Variants in LAMA2 observed in about 807,000 individuals in gnomAD.
LAMA2 encodes the protein laminin subunit alpha-2.
In LAMA2, 269 loss-of-function variants were observed where a neutral mutation model predicts 364.8. The observed-to-expected ratio is 0.74, with a 90% CI of 0.67 to 0.82. The LOEUF (loss-of-function observed/expected upper bound fraction) is 0.82. Ranked by LOEUF, LAMA2 falls within the 40% of genes least tolerant of loss-of-function variation. The probability of loss-of-function intolerance (pLI) is 0.00; values close to 1 mark genes in which losing one functional copy is unlikely to be tolerated. For missense variants in LAMA2, 3,807 were observed against 3,873.2 expected (o/e 0.98, Z 0.45); for synonymous variants, 1,379 against 1,370.6 (o/e 1.01, Z -0.14).
intron 8 of LAMA2, chr6:129,158,551 G>T: frequency 6.2e-7 from 1 of 1,613,972 alleles, no homozygotes; most frequent in Non-Finnish European, 8.5e-7. Context: ...TCCAAATCAC[G>T]ATTGTAACGA....
intron 1 of LAMA2, among the ~76,000 whole-genome samples, chr6:128,977,302 C>A (rs1396150895): frequency 2.0e-5 from 3 of 148,268 alleles, no homozygotes; most frequent in Admixed American, 6.7e-5. Context: ...ACGTGTTGCC[C>A]AGGCTGGAGT....
rs779235193 is a variant in LAMA2 at position 129,440,796 on chromosome 6, A to C, written c.6086-20A>C. The C allele has an allele frequency of 6.2e-6, 10 of 1,612,272 alleles. No individual in the cohort carries two copies. The African/African-American group carries it at 1.3e-4, about 22-fold the overall frequency. ...CTCCACACCCTTTGTTTTGTTTTTC[A>C]TACCCTCATCTGCTGACAGATACAG... On this transcript the variant is annotated intron_variant, in intron 42 of 64. Transcript: ENST00000421865.
At chr6:129,168,706 G>A (rs1476711763) in intron 9 of LAMA2, among the ~76,000 whole-genome samples, 1 of 142,264 alleles carries the variant, frequency 7.0e-6, no homozygotes. Flanking sequence ...GTGAAGAAAG[G>A]CATTGGTAGC....
chr6:128,887,917 T>G (rs1172382305), intron 1 of LAMA2, among the ~76,000 whole-genome samples: 1 of 152,048 alleles, frequency 6.6e-6, no homozygotes, highest in Non-Finnish European at 1.5e-5. Flanking sequence ...GATTTGCAAC[T>G]TATCATCTAT....
At chr6:128,925,408 C>T (rs1415007729) in intron 1 of LAMA2, among the ~76,000 whole-genome samples, 3 of 152,112 alleles carry the variant, frequency 2.0e-5, no homozygotes, top group Non-Finnish European at 4.4e-5. Context: ...ATATACCAGT[C>T]ACAAAAAGAC....
chr6:129,275,325 A>G (rs1309605157), intron 17 of LAMA2, among the ~76,000 whole-genome samples: 1 of 152,048 alleles, frequency 6.6e-6, no homozygotes, highest in East Asian at 1.9e-4. Flanking sequence ...TGCCAAAGGA[A>G]AAAACTAAAG....
At chr6:128,903,642 TC>T (rs1196287376) in intron 1 of LAMA2, among the ~76,000 whole-genome samples, 19 of 152,252 alleles carry the variant, frequency 1.2e-4, no homozygotes, top group Admixed American at 7.2e-4. Context: ...TGTAGCTTTC[TC>T]TTGCAAGCTT....
Position 129,437,190 on chromosome 6 carries a change from TG to T in LAMA2, c.5969-1455del, listed in dbSNP as rs1261080953. ...TAGCATTGTTTATGGAATGGGACTA[TG>T]TGGATTTGAATACCACCACTGCCAT... On this transcript the variant is annotated intron_variant, in intron 41 of 64. Coordinates refer to ENST00000421865, the MANE Select transcript of LAMA2 (RefSeq NM_000426.4). Among the ~76,000 whole-genome samples the T allele has an allele frequency of 8.5e-5, 13 of 152,260 alleles. No individual in the cohort carries two copies. The East Asian group carries it at 2.5e-3, about 29-fold the overall frequency.
chr6:128,954,045 A>C (rs1781001862), intron 1 of LAMA2, among the ~76,000 whole-genome samples: 1 of 152,138 alleles, frequency 6.6e-6, no homozygotes, highest in African/African-American at 2.4e-5. Context: ...TCTACAGAGA[A>C]GTTAGGTCAA....
At chr6:128,976,062 G>A (rs6914657) in intron 1 of LAMA2, among the ~76,000 whole-genome samples, 17,802 of 152,204 alleles carry the variant, frequency 0.12, 2,376 homozygotes, top group African/African-American at 0.33. Context: ...TTAAAAGGAT[G>A]TGAAGTAATT....
At chr6:129,007,589 T>C (rs1784516568) in intron 1 of LAMA2, among the ~76,000 whole-genome samples, 1 of 152,226 alleles carries the variant, frequency 6.6e-6, no homozygotes, top group Non-Finnish European at 1.5e-5. Flanking sequence ...TCAAATAAGA[T>C]TAAACCAAAC....
intron 28 of LAMA2, among the ~76,000 whole-genome samples, chr6:129,325,543 T>TA (rs1775223564): frequency 6.6e-6 from 1 of 151,920 alleles, no homozygotes; most frequent in African/African-American, 2.4e-5. Flanking sequence ...GTTTTTTTTT[T>TA]TAAAAAAAAC....
chr6:129,029,179 G>C (rs182603393), intron 1 of LAMA2, among the ~76,000 whole-genome samples: 1 of 151,874 alleles, frequency 6.6e-6, no homozygotes, highest in East Asian at 1.9e-4. Flanking sequence ...ATCTCATGAC[G>C]CTAAAACAAG....
intron 18 of LAMA2, among the ~76,000 whole-genome samples, chr6:129,287,630 T>C (rs542329243): frequency 1.4e-3 from 209 of 152,304 alleles, no homozygotes; most frequent in Middle Eastern, 6.8e-3. Flanking sequence ...TATATTTTTT[T>C]CGGGCTGAAA....
intron 10 of LAMA2, among the ~76,000 whole-genome samples, chr6:129,184,208 G>A (rs1190063449): frequency 1.3e-5 from 2 of 151,652 alleles, no homozygotes; most frequent in Non-Finnish European, 2.9e-5. Context: ...TTTTTCATTT[G>A]TGTACAGGAA....
intron 4 of LAMA2, among the ~76,000 whole-genome samples, chr6:129,102,683 CCTGATTAT>C (rs1429126640): frequency 1.3e-5 from 2 of 151,840 alleles, no homozygotes; most frequent in East Asian, 3.9e-4. Context: ...TTCTTGTGTG[CCTGATTAT>C]CTTTGTATAA....
At chr6:129,365,529 A>G (rs1287406553) in intron 32 of LAMA2, among the ~76,000 whole-genome samples, 1 of 151,684 alleles carries the variant, frequency 6.6e-6, no homozygotes, top group Non-Finnish European at 1.5e-5. Flanking sequence ...CGCCTGGCTA[A>G]TTTTTGTATT....
At chr6:129,490,697 C>G (rs865779728) in intron 56 of LAMA2, 1 of 152,076 alleles carries the variant, frequency 6.6e-6, no homozygotes, top group Non-Finnish European at 1.5e-5. Context: ...CTGAAATTCT[C>G]GTCTCAGGAA....
At chr6:129,086,798 A>C (rs1423494213) in intron 3 of LAMA2, among the ~76,000 whole-genome samples, 1 of 152,242 alleles carries the variant, frequency 6.6e-6, no homozygotes, top group Non-Finnish European at 1.5e-5. Flanking sequence ...CACAAGTCTC[A>C]CTGAGCTAAA....
Sources: gnomAD v4.1 joint callset for allele counts (sites outside exome capture counted in the v4.1 genomes callset) on GRCh38, gnomAD v4.1.1 for gene constraint, MANE v1.5 for transcripts, NCBI Gene and HGNC (gene_info 2026-07-23, HGNC 2026-07-21) for gene names.